ABCA2: variants seen among roughly 807,000 people sequenced by gnomAD.
The protein encoded by ABCA2 is ATP binding cassette subfamily A member 2.
A neutral mutation model predicts 262.8 loss-of-function variants in ABCA2; 84 were observed. That is an observed-to-expected ratio of 0.32 (90% CI 0.27 to 0.38). ABCA2 has a LOEUF of 0.38. Ranked by LOEUF, ABCA2 falls within the 10% of genes least tolerant of loss-of-function variation. The probability of loss-of-function intolerance (pLI) is 1.00; values close to 1 mark genes in which losing one functional copy is unlikely to be tolerated. For synonymous variants in ABCA2, 1,696 were observed against 1,502.9 expected, an observed-to-expected ratio of 1.13 and a Z score of -2.97; for missense variants, 2,662 against 3,405.9, an observed-to-expected ratio of 0.78 and a Z score of 5.44.
Position 137,011,146 on chromosome 9 carries a change from G to A in ABCA2, c.5923+40C>T, listed in dbSNP as rs572807749. 3.5e-5 allele frequency: 56 copies of A among 1,611,734 alleles called. No homozygotes were observed. Among genetic ancestry groups the A allele is most frequent in the Admixed American group, 5.0e-5 (3 of 59,938 alleles). ...TCAGGGCCTGTGCTCTGGGCCTTGC[G>A]GGGCCCCCACCGCCTTCCCCGCCCC... On this transcript the variant is annotated intron_variant, in intron 38 of 48. Transcript: ENST00000341511. This position sits in a 1 kb window ranked among gnomAD's most constrained non-coding sequence, Gnocchi z 8.8.
rs1461428195 is a variant in ABCA2 at position 137,017,269 on chromosome 9, A to C, written c.2480T>G (p.Val827Gly). 6.2e-7 allele frequency: 1 copy of C among 1,612,614 alleles called. No homozygotes were observed. Among genetic ancestry groups the C allele is most frequent in the South Asian group, 1.1e-5 (1 of 91,072 alleles). ...CGGIIYFLSY[V>G]PYMYVAIREE... Reference sequence around the variant, plus strand: ...TCGGATCGCCACGTACATGTAGGGCACGTAGCTCAGGAAGTAGATGATGCC... The same window carrying C: ...TCGGATCGCCACGTACATGTAGGGCCCGTAGCTCAGGAAGTAGATGATGCC... The change falls in exon 18 of 49, where the codon GTG (valine) becomes GGG (glycine). Residue 827 changes from valine (V) to glycine (G), a missense_variant. Val to Gly is a moderately radical substitution (Grantham distance 109, BLOSUM62 -3). Transcript: ENST00000341511.
At chr9:137,028,331 C>G (rs1284374599), upstream of ABCA2, 77 of 937,414 alleles carry the variant, frequency 8.2e-5, 1 homozygote, top group East Asian at 1.2e-4. The surrounding 1 kb of genome is among the most constrained non-coding windows in gnomAD (Gnocchi z 6.9). Flanking sequence ...CCCGCCCGCC[C>G]CCGCTTAAAG....
At position 137,023,015 on chromosome 9, in the gene ABCA2, G is replaced by T. The variant is rs891386983; in HGVS notation, c.201C>A (p.Ile67=). 1.9e-6 allele frequency: 3 copies of T among 1,594,946 alleles called. No homozygotes were observed. The highest frequency in any genetic ancestry group is 2.6e-6 in the Non-Finnish European group (3 of 1,171,900). ...GGCACAGCGATTGCATGACAGGCAG[G>T]ATGCCGGCAGACGTCAGGGGCGCCG... ...YTAAPLTSAG[I]LPVMQSLCPD... is the part of the protein sequence containing the mutation. Residue 67 remains isoleucine (I), a synonymous_variant, in exon 4 of 49, where the codon ATC becomes ATA. Coordinates refer to ENST00000341511, the MANE Select transcript of ABCA2 (RefSeq NM_001606.5).
Position 137,016,153 on chromosome 9 carries a change from G to A in ABCA2, c.3126C>T (p.Phe1042=). The A allele has an allele frequency of 6.2e-7, 1 of 1,612,824 alleles. No homozygotes were observed. Among genetic ancestry groups the A allele is most frequent in the East Asian group, 2.2e-5 (1 of 44,884 alleles). Reference sequence around the variant, plus strand: ...TGGTGGCGGAACCCGACGTTGGAGGGAACAGGCCGGTCAGGATGGACCTGG... The same window carrying A: ...TGGTGGCGGAACCCGACGTTGGAGGAAACAGGCCGGTCAGGATGGACCTGG... The part of the protein sequence containing the change: ...TTTMSILTGL[F]PPTSGSATIY... The change falls in exon 22 of 49, where the codon TTC becomes TTT. Residue 1042 remains phenylalanine, a synonymous_variant. Transcript: ENST00000341511.
Position 137,007,379 on chromosome 9 carries a change from GC to G in ABCA2, c.*549del, listed in dbSNP as rs1830873552. 1 of 161,206 alleles carries G rather than the reference GC, an allele frequency of 6.2e-6. No homozygotes were observed. The highest frequency in any genetic ancestry group is 1.6e-4 in the South Asian group (1 of 6,100). The allele number at this position is 161,206 out of a possible 1,614,324, so 10.0% of individuals were successfully genotyped here. ...GGGGGTCTGGCCCCTTGCCTGGCCAGCAGGGTCAGCTTCTCCATTCCTGCCA... is the reference window on the plus strand; with the variant it reads ...GGGGGTCTGGCCCCTTGCCTGGCCAGAGGGTCAGCTTCTCCATTCCTGCCA... On this transcript the variant is annotated 3_prime_UTR_variant, in exon 49 of 49. Coordinates refer to ENST00000341511, the MANE Select transcript of ABCA2 (RefSeq NM_001606.5).
Position 137,024,221 on chromosome 9 carries a change from C to T in ABCA2, c.82G>A (p.Glu28Lys), listed in dbSNP as rs747106063. The T allele has an allele frequency of 2.5e-6, 4 of 1,611,352 alleles. No individual in the cohort carries two copies. The highest frequency in any genetic ancestry group is 1.7e-5 in the Admixed American group (1 of 59,770). Reference protein sequence around the residue: ...KRRSPWVLAFEIFIPLVLFFI... With the variant: ...KRRSPWVLAFKIFIPLVLFFI... ...AACAGCACCAGGGGGATGAAGATCT[C>T]GAAGGCCAGGACCCACTGGAAAGGG... is the stretch of plus-strand genomic sequence containing the variant. Residue 28 changes from glutamate (E) to lysine (K), a missense_variant, in exon 2 of 49, where the codon GAG (glutamate) becomes AAG (lysine). Glu to Lys is a moderately conservative substitution (Grantham distance 56, BLOSUM62 1). Around this residue, in one of 12 missense-constraint regions of ABCA2, gnomAD observed 101 missense variants for 152.3 expected, o/e 0.66. Transcript: ENST00000341511.
At chr9:137,012,222 C>CCCCCACA in intron 33 of ABCA2, 43 bp downstream of exon 33, 1 of 1,560,932 alleles carries the variant, frequency 6.4e-7, no homozygotes, top group Non-Finnish European at 8.8e-7. Context: ...GCCCCGGCCC[C>CCCCCACA]AGCTCCTCCC....
chr9:137,021,614 G>A lies in ABCA2; in HGVS notation c.679-4C>T. 1 of 1,550,626 alleles carries A rather than the reference G, an allele frequency of 6.4e-7. No homozygotes were observed. The highest frequency in any genetic ancestry group is 8.7e-7 in the Non-Finnish European group (1 of 1,148,732). ...GGGCAGGAGCCAGCAGCAGCTCCTG[G>A]GATGGGCACAGGGGTCCGTGGAGCC... On this transcript the variant is annotated splice_region_variant and splice_polypyrimidine_tract_variant and intron_variant, in intron 7 of 48. Coordinates refer to ENST00000341511, the MANE Select transcript of ABCA2 (RefSeq NM_001606.5). The surrounding 1 kb of genome is among the most constrained non-coding windows in gnomAD (Gnocchi z 6.0).
chr9:137,016,850 C>A, intron 19 of ABCA2, 70 bp downstream of exon 19: 1 of 1,582,624 alleles, frequency 6.3e-7, no homozygotes, highest in Non-Finnish European at 8.6e-7. Flanking sequence ...GGAGTGGACA[C>A]AGACTGCTGG....
In ABCA2 at chr9:137,009,489, G is replaced by A. The variant is rs201173057; in HGVS notation, c.6735-27C>T. Reference sequence around the variant, plus strand: ...TGTGGGACATGCACAGGCTGGCACCGGAAGGGGTGCTGTGGGGTGGGGGCA... The same window carrying A: ...TGTGGGACATGCACAGGCTGGCACCAGAAGGGGTGCTGTGGGGTGGGGGCA... On this transcript the variant is annotated intron_variant, in intron 44 of 48. Transcript: ENST00000341511. 355 of 1,611,748 alleles carry A rather than the reference G, an allele frequency of 2.2e-4. 2 individuals carry two copies. The African/African-American group carries it at 3.4e-3, about 15-fold the overall frequency.
Position 137,008,452 on chromosome 9 carries a change from C to T in ABCA2, c.7239G>A (p.Thr2413=), listed in dbSNP as rs765128798. 1.7e-5 allele frequency: 26 copies of T among 1,557,506 alleles called. No individual in the cohort carries two copies. Among genetic ancestry groups the T allele is most frequent in the Middle Eastern group, 1.7e-4 (1 of 6,026 alleles). The change falls in exon 48 of 49, where the codon ACG becomes ACA. Residue 2413 remains threonine (T), a synonymous_variant. Transcript: ENST00000341511. ...CGAAGCTGATGAGGCCCTCGTCCTC[C>T]GTGTCCAGGTCCTCGGGCTCGTCTG... ...LVADEPEDLD[T]EDEGLISFEE...
rs780856838 is a variant in ABCA2, at chr9:137,018,278, G to A, written c.1893C>T (p.Ser631=). The change falls in exon 14 of 49, where the codon AGC becomes AGT. Residue 631 remains serine, a synonymous_variant. Transcript: ENST00000341511. ...HVHYKIRQNS[S]FTEKTNEIRR... ...GGATCTCGTTGGTTTTCTCGGTGAA[G>A]CTGGAGTTCTGGCGGATCTTGTAGT... 4.3e-6 allele frequency: 7 copies of A among 1,610,394 alleles called. No individual in the cohort carries two copies. In the South Asian group the frequency reaches 6.6e-5, roughly 15 times the overall value.
intron 17 of ABCA2, 75 bp from the exon 18 acceptor site, chr9:137,017,421 C>T (rs1831301545): frequency 6.2e-7 from 1 of 1,601,758 alleles, no homozygotes; most frequent in Admixed American, 1.7e-5. Context: ...TGCCAGGGTC[C>T]AGGGGGCTCT....
In ABCA2 at chr9:137,014,424, G is replaced by A. The variant is rs750571760; in HGVS notation, c.4004-20C>T. ...TCACATCTGCCGCAGTGGAAGGGCC[G>A]AGGGGACACTCAGGGCTACTGGCCC... On this transcript the variant is annotated intron_variant, in intron 26 of 48. Transcript: ENST00000341511. 3.6e-5 allele frequency: 57 copies of A among 1,567,618 alleles called. No individual in the cohort carries two copies. Among genetic ancestry groups the A allele is most frequent in the Middle Eastern group, 2.0e-4 (1 of 5,098 alleles).
rs763461098 is a variant in ABCA2 at position 137,022,487 on chromosome 9, G to T, written c.440-9C>A. On this transcript the variant is annotated splice_polypyrimidine_tract_variant and intron_variant, in intron 5 of 48. Transcript: ENST00000341511. ...CAGAGAGAAGGAAGACACTGGACAGGCAGGAAGGCGAGGCTGAGAGGCCGC... is the reference window on the plus strand; with the variant it reads ...CAGAGAGAAGGAAGACACTGGACAGTCAGGAAGGCGAGGCTGAGAGGCCGC... 6.2e-7 allele frequency: 1 copy of T among 1,609,694 alleles called. No homozygotes were observed. Among genetic ancestry groups the T allele is most frequent in the South Asian group, 1.1e-5 (1 of 90,642 alleles).
At chr9:137,028,804 C>T (rs1173589756), upstream of ABCA2, 9 of 1,303,970 alleles carry the variant, frequency 6.9e-6, no homozygotes, top group Non-Finnish European at 8.0e-6. The surrounding 1 kb of genome is among the most constrained non-coding windows in gnomAD (Gnocchi z 6.9). Flanking sequence ...CCCAGGAACG[C>T]TCGCCGTGAG....
At position 137,013,266 on chromosome 9, in the gene ABCA2, G is replaced by C; in HGVS notation, c.4603C>G (p.Leu1535Val). 6.3e-7 allele frequency: 1 copy of C among 1,589,816 alleles called. No homozygotes were observed. Among genetic ancestry groups the C allele is most frequent in the Non-Finnish European group, 8.5e-7 (1 of 1,173,564 alleles). The change falls in exon 30 of 49, where the codon CTG becomes GTG. Residue 1535 changes from leucine to valine, a missense_variant. Transcript: ENST00000341511. ...SPQQLVSTFR[L>V]PSGVGATCVL... ...CAGGTGGCACCCACCCCCGACGGCA[G>C]CCGGAACGTGCTCACGAGCTGCTGG...
rs758877702 is a variant in ABCA2, at chr9:137,013,514, G to A, written c.4497C>T (p.Thr1499=). 2.5e-6 allele frequency: 4 copies of A among 1,610,328 alleles called. No individual in the cohort carries two copies. The highest frequency in any genetic ancestry group is 2.5e-6 in the Non-Finnish European group (3 of 1,179,454). The change falls in exon 29 of 49, where the codon ACC becomes ACT. Residue 1499 remains threonine (T), a synonymous_variant. Transcript: ENST00000341511. ...VLSPSQYHNY[T]QPRGNFIPYA... is the part of the protein sequence containing the mutation. ...AGGGGATGAAATTGCCACGGGGCTG[G>A]GTGTAGTTGTGGTACTGGGAAGGTG...
At chr9:137,010,590 C>CCCGGCCCCCCCCACA in intron 40 of ABCA2, 30 bp downstream of exon 40, 3 of 1,253,100 alleles carry the variant, frequency 2.4e-6, no homozygotes, top group South Asian at 1.2e-5. Flanking sequence ...CTACCCCACC[C>CCCGGCCCCCCCCACA]AGGCCCCACC....
Sources: allele counts gnomAD v4.1 joint callset, GRCh38; gene constraint gnomAD v4.1.1; regional missense constraint gnomAD v4.1.1; non-coding constraint Gnocchi (gnomAD v3.1); transcripts MANE v1.5; gene names NCBI Gene and HGNC (gene_info 2026-07-23, HGNC 2026-07-21).